IRAK2: variants seen among roughly 807,000 people sequenced by gnomAD.
IRAK2 encodes interleukin-1 receptor-associated kinase-like 2.
Under a neutral mutation model 72.0 loss-of-function variants are expected in IRAK2, and 57 were observed. That is an observed-to-expected ratio of 0.79 (90% CI 0.64 to 0.99). The LOEUF (loss-of-function observed/expected upper bound fraction) is 0.99. Ranked by LOEUF, IRAK2 falls within the 50% of genes least tolerant of loss-of-function variation. IRAK2 has a pLI of 0.00. For missense variants in IRAK2, 790 were observed against 794.4 expected (o/e 0.99, Z 0.07); for synonymous variants, 293 against 312.7 (o/e 0.94, Z 0.67).
At chr3:10,226,210 G>A (rs1455830851) in intron 9 of IRAK2, among the ~76,000 whole-genome samples, 161 bp from the exon 10 acceptor site, 1 of 152,130 alleles carries the variant, frequency 6.6e-6, no homozygotes, top group Non-Finnish European at 1.5e-5. Flanking sequence ...TGGAGGAGGT[G>A]TTTAGTGATA....
At chr3:10,172,559 G>T (rs75702388) in intron 1 of IRAK2, among the ~76,000 whole-genome samples, 1 of 109,738 alleles carries the variant, frequency 9.1e-6, no homozygotes, top group Non-Finnish European at 2.1e-5. Context: ...AAAAAAAAAG[G>T]CCGGGCGCGG....
At chr3:10,173,972 T>C (rs1303913173) in intron 1 of IRAK2, among the ~76,000 whole-genome samples, 2 of 152,108 alleles carry the variant, frequency 1.3e-5, no homozygotes, top group Non-Finnish European at 2.9e-5. Context: ...CCATCACGAG[T>C]AAGGAAAGTT....
At chr3:10,177,786 C>T in intron 1 of IRAK2, 52 bp from the exon 2 acceptor site, 1 of 1,571,474 alleles carries the variant, frequency 6.4e-7, no homozygotes, top group South Asian at 1.1e-5. Flanking sequence ...GGGACCTGTC[C>T]TAGAGGGACT....
intron 2 of IRAK2, among the ~76,000 whole-genome samples, chr3:10,192,270 G>C (rs1697188255): frequency 6.6e-6 from 1 of 152,176 alleles, no homozygotes; most frequent in Non-Finnish European, 1.5e-5. Flanking sequence ...TTACTGTGTA[G>C]TTTGACGGGC....
intron 3 of IRAK2, among the ~76,000 whole-genome samples, chr3:10,207,125 C>A (rs1044648268): frequency 1.3e-5 from 2 of 152,044 alleles, no homozygotes; most frequent in Non-Finnish European, 2.9e-5. Flanking sequence ...GAGTCTCACT[C>A]TGTCACCCAG....
chr3:10,182,517 G>A (rs191264429), intron 2 of IRAK2, among the ~76,000 whole-genome samples: 80 of 151,920 alleles, frequency 5.3e-4, no homozygotes, highest in African/African-American at 1.7e-3. Flanking sequence ...TCCTGACCAC[G>A]TGATCCGCCC....
intron 3 of IRAK2, among the ~76,000 whole-genome samples, chr3:10,202,992 A>G (rs571948844): frequency 1.1e-3 from 161 of 143,838 alleles, no homozygotes; most frequent in African/African-American, 4.0e-3. Flanking sequence ...ACAGAGCCCT[A>G]TTTACTTACT....
At chr3:10,190,391 C>A (rs1378579858) in intron 2 of IRAK2, among the ~76,000 whole-genome samples, 1 of 150,256 alleles carries the variant, frequency 6.7e-6, no homozygotes, top group Non-Finnish European at 1.5e-5. Context: ...AGCAATTATC[C>A]TGCCTCAGCC....
At chr3:10,183,446 A>G (rs192555831) in intron 2 of IRAK2, among the ~76,000 whole-genome samples, 3,227 of 152,322 alleles carry the variant, frequency 0.021, 52 homozygotes, top group Middle Eastern at 0.037. Flanking sequence ...GGCCGGGCGC[A>G]GTGGCTCAAG....
rs551031590 is a variant in IRAK2, at chr3:10,203,193, C to T, written c.424+2678C>T. ...TGTATTTTTTGTAAAGATGGGGTTTCGCTGTGTTGCACAGGCTGGTCTTGA... is the reference window on the plus strand; with the variant it reads ...TGTATTTTTTGTAAAGATGGGGTTTTGCTGTGTTGCACAGGCTGGTCTTGA... On this transcript the variant is annotated intron_variant, in intron 3 of 12. Transcript: ENST00000256458. 9.2e-5 allele frequency among the ~76,000 whole-genome samples: 14 copies of T among 152,010 alleles called. 1 individual carries two copies. Among genetic ancestry groups the T allele is most frequent in the Admixed American group, 1.3e-4 (2 of 15,246 alleles).
chr3:10,232,420 CG>C (rs886234359), intron 10 of IRAK2, among the ~76,000 whole-genome samples: 12 of 152,186 alleles, frequency 7.9e-5, no homozygotes, highest in African/African-American at 2.7e-4. Context: ...CTTCACTACA[CG>C]GGGCGTAGCC....
intron 7 of IRAK2, 141 bp downstream of exon 7, chr3:10,217,189 C>G (rs1247471154): frequency 3.1e-6 from 2 of 640,734 alleles, no homozygotes; most frequent in Non-Finnish European, 2.8e-6. Context: ...GAAGTGGGGC[C>G]AGGATACATA....
chr3:10,184,852 C>T (rs1301242634), intron 2 of IRAK2, among the ~76,000 whole-genome samples: 3 of 150,454 alleles, frequency 2.0e-5, no homozygotes, highest in Non-Finnish European at 2.9e-5. Context: ...GCCTCAGCCT[C>T]CCGAGTAGCT....
chr3:10,236,441 A>G (rs761863595), intron 11 of IRAK2, among the ~76,000 whole-genome samples: 4 of 144,154 alleles, frequency 2.8e-5, no homozygotes, highest in Non-Finnish European at 6.0e-5. Context: ...TCCACTTTCC[A>G]GGTTCAAGCA....
intron 2 of IRAK2, among the ~76,000 whole-genome samples, chr3:10,188,643 G>C (rs697920): frequency 0.32 from 47,925 of 152,014 alleles, 10,819 homozygotes; most frequent in East Asian, 0.75. Flanking sequence ...TCTCCTGCCT[G>C]AGCCTCCCGA....
At chr3:10,209,736 G>C in intron 4 of IRAK2, 44 bp downstream of exon 4, 2 of 1,221,312 alleles carry the variant, frequency 1.6e-6, no homozygotes, top group Non-Finnish European at 2.2e-6. Flanking sequence ...ATGTCTCCCA[G>C]CGTGTAGTTC....
chr3:10,196,040 C>G (rs934212436), intron 2 of IRAK2, among the ~76,000 whole-genome samples: 1 of 152,228 alleles, frequency 6.6e-6, no homozygotes, highest in Non-Finnish European at 1.5e-5. Flanking sequence ...AGCGACAGCT[C>G]TGTTCCAGAC....
chr3:10,233,416 C>A (rs1575990371), intron 10 of IRAK2, among the ~76,000 whole-genome samples: 1 of 152,000 alleles, frequency 6.6e-6, no homozygotes, highest in East Asian at 1.9e-4. Flanking sequence ...TCATATATAC[C>A]ATATTACTCA....
intron 7 of IRAK2, among the ~76,000 whole-genome samples, chr3:10,219,227 G>A (rs1320424344): frequency 6.6e-6 from 1 of 152,174 alleles, no homozygotes; most frequent in African/African-American, 2.4e-5. Context: ...AAAACTCACA[G>A]TATCATGCTG....
Sources: gnomAD v4.1 joint callset for allele counts (sites outside exome capture counted in the v4.1 genomes callset) on GRCh38, gnomAD v4.1.1 for gene constraint, MANE v1.5 for transcripts, NCBI Gene and HGNC (gene_info 2026-07-23, HGNC 2026-07-21) for gene names.